GFRA2: variants seen among roughly 807,000 people sequenced by gnomAD.
The protein encoded by GFRA2 is GDNF family receptor alpha-2.
Under a neutral mutation model 48.3 loss-of-function variants are expected in GFRA2, and 17 were observed. That is an observed-to-expected ratio of 0.35 (90% CI 0.24 to 0.53). The LOEUF is 0.53. Among genes scored for constraint, GFRA2 ranks in the 20% least tolerant of loss-of-function variants. GFRA2 has a pLI of 0.93. For missense variants in GFRA2, 660 were observed against 637.3 expected, an observed-to-expected ratio of 1.04 and a Z score of -0.38; for synonymous variants, 305 against 257.2, an observed-to-expected ratio of 1.19 and a Z score of -1.78.
rs1159021273 is a variant in GFRA2, at chr8:21,706,036, C to T, written c.800G>A (p.Arg267Gln). ...VCRTDHLCRS[R>Q]LADFHANCRA... ...ACAATTGGCATGGAAGTCGGCCAGC[C>T]GGGACCTGGTGGTGGGTAGAAGACG... Residue 267 changes from arginine to glutamine, a missense_variant, in exon 5 of 9, where the codon CGG becomes CAG. Transcript: ENST00000524240. 5.8e-6 allele frequency: 9 copies of T among 1,563,576 alleles called. No individual in the cohort carries two copies. Among genetic ancestry groups the T allele is most frequent in the Non-Finnish European group, 7.8e-6 (9 of 1,153,004 alleles).
In GFRA2 at chr8:21,788,794, C is replaced by CTGCG. The variant is rs1807416301; in HGVS notation, c.-639_-636dup. ...ATGGAATTCCAGTGACCGTGTGTCT[C>CTGCG]TGCGTGCGTGTGTCTTTCTCTCTCC... On this transcript the variant is annotated 5_prime_UTR_variant, in exon 1 of 9. Coordinates refer to ENST00000524240, the MANE Select transcript of GFRA2 (RefSeq NM_001495.5). The CTGCG allele has an allele frequency of 1.0e-6, 1 of 985,406 alleles. No homozygotes were observed. Among genetic ancestry groups the CTGCG allele is most frequent in the Non-Finnish European group, 1.2e-6 (1 of 830,026 alleles). The allele number at this position is 985,406 out of a possible 1,614,324, so 61.0% of individuals were successfully genotyped here.
At chr8:21,695,380 T>G (rs1399192126) in intron 7 of GFRA2, among the ~76,000 whole-genome samples, 4 of 152,098 alleles carry the variant, frequency 2.6e-5, no homozygotes, top group African/African-American at 9.7e-5. Context: ...CAAAAGCAAC[T>G]GGGAAGCCCA....
Position 21,693,068 on chromosome 8 carries a change from C to T in GFRA2, c.*210G>A. The T allele has an allele frequency of 4.9e-6, 2 of 404,540 alleles. No homozygotes were observed. The highest frequency in any genetic ancestry group is 8.7e-6 in the Non-Finnish European group (2 of 228,926). 25.1% of individuals were successfully genotyped at this position (404,540 alleles called of 1,614,324 possible). On this transcript the variant is annotated 3_prime_UTR_variant, in exon 9 of 9. Coordinates refer to ENST00000524240, the MANE Select transcript of GFRA2 (RefSeq NM_001495.5). Reference sequence around the variant, plus strand: ...TTTCCCCTGCCAGGGGACCCCTGGGCCAGCTCTCAGGCTGCCTGCCTGCTT... The same window carrying T: ...TTTCCCCTGCCAGGGGACCCCTGGGTCAGCTCTCAGGCTGCCTGCCTGCTT...
chr8:21,733,253 C>T (rs540487792), intron 4 of GFRA2, among the ~76,000 whole-genome samples: 26 of 152,222 alleles, frequency 1.7e-4, no homozygotes, highest in African/African-American at 6.0e-4. Flanking sequence ...GCAGACCCAC[C>T]CTGCAGGCAC....
intron 4 of GFRA2, among the ~76,000 whole-genome samples, chr8:21,742,608 C>T (rs1355938761): frequency 6.6e-6 from 1 of 152,202 alleles, no homozygotes; most frequent in African/African-American, 2.4e-5. Context: ...ACTCAGGGAG[C>T]CAGTGTGAAC....
intron 4 of GFRA2, among the ~76,000 whole-genome samples, chr8:21,720,986 A>T (rs1009570870): frequency 1.6e-4 from 24 of 150,364 alleles, no homozygotes; most frequent in African/African-American, 5.9e-4. Flanking sequence ...GGAGGAAGAG[A>T]ATTAGTAAGA....
chr8:21,714,795 C>T (rs1414913442), intron 4 of GFRA2, among the ~76,000 whole-genome samples: 2 of 152,126 alleles, frequency 1.3e-5, no homozygotes, highest in Non-Finnish European at 2.9e-5. Context: ...AGGCCAGGTA[C>T]GGTGGCTGAC....
At chr8:21,747,436 A>G (rs949917150) in intron 4 of GFRA2, among the ~76,000 whole-genome samples, 3 of 152,104 alleles carry the variant, frequency 2.0e-5, no homozygotes, top group East Asian at 1.9e-4. Context: ...AATCGCCTCA[A>G]TCGGTTTGTG....
At chr8:21,728,903 CTA>C (rs1361973851) in intron 4 of GFRA2, among the ~76,000 whole-genome samples, 1 of 152,222 alleles carries the variant, frequency 6.6e-6, no homozygotes, top group Non-Finnish European at 1.5e-5. Flanking sequence ...CACCTTAGTA[CTA>C]CTGGATGGAG....
chr8:21,704,515 G>A (rs910641908), intron 6 of GFRA2, among the ~76,000 whole-genome samples: 1 of 152,186 alleles, frequency 6.6e-6, no homozygotes, highest in African/African-American at 2.4e-5. Flanking sequence ...TCTTCAGGTG[G>A]GCATGGATGG....
chr8:21,721,731 C>G (rs1311110142), intron 4 of GFRA2, among the ~76,000 whole-genome samples: 1 of 152,208 alleles, frequency 6.6e-6, no homozygotes, highest in Non-Finnish European at 1.5e-5. Flanking sequence ...GCTTTCAGCA[C>G]AGGACGCAAA....
intron 1 of GFRA2, 48 bp downstream of exon 1, chr8:21,788,072 C>A: frequency 1.9e-6 from 2 of 1,032,114 alleles, no homozygotes; most frequent in Non-Finnish European, 2.9e-6. Flanking sequence ...CCCCCCGCCT[C>A]CCCGGCTTCT....
At chr8:21,696,260 G>C (rs1025472016) in intron 7 of GFRA2, among the ~76,000 whole-genome samples, 2 of 150,982 alleles carry the variant, frequency 1.3e-5, no homozygotes, top group South Asian at 4.2e-4. Flanking sequence ...AGCCCATGGG[G>C]AATCACAGAG....
chr8:21,701,932 G>T (rs1256662382), intron 7 of GFRA2, among the ~76,000 whole-genome samples: 1 of 152,134 alleles, frequency 6.6e-6, no homozygotes, highest in Non-Finnish European at 1.5e-5. Context: ...GGGAGTCCTG[G>T]GAAGGTTGCC....
chr8:21,798,109 C>G (rs1807710709), intron 2 of GFRA2, among the ~76,000 whole-genome samples: 1 of 152,192 alleles, frequency 6.6e-6, no homozygotes, highest in Admixed American at 6.5e-5. Context: ...TCTGCACTCC[C>G]CCAAGCAATG....
intron 2 of GFRA2, 51 bp from the exon 3 acceptor site, chr8:21,775,106 G>C (rs1258202383): frequency 1.1e-6 from 1 of 915,998 alleles, no homozygotes; most frequent in Non-Finnish European, 1.8e-6. Context: ...CCAGAGCGCT[G>C]CCGGCACTTA....
chr8:21,809,868 T>C (rs114243287), intron 1 of GFRA2, among the ~76,000 whole-genome samples: 1,685 of 151,990 alleles, frequency 0.011, 30 homozygotes, highest in African/African-American at 0.039. Context: ...GGAAGGGAAA[T>C]AGGGGAACAG....
chr8:21,761,114 C>A (rs1563253309), intron 3 of GFRA2, among the ~76,000 whole-genome samples: 2 of 152,158 alleles, frequency 1.3e-5, no homozygotes, highest in African/African-American at 4.8e-5. Context: ...CCACAACCAT[C>A]ACCTCCACAC....
chr8:21,797,052 G>A (rs1807689633), intron 2 of GFRA2, among the ~76,000 whole-genome samples: 1 of 152,216 alleles, frequency 6.6e-6, no homozygotes, highest in South Asian at 2.1e-4. Context: ...GGAAGCTGCT[G>A]ATCTAGGACT....
Sources: allele counts gnomAD v4.1 joint callset (sites outside exome capture counted in the v4.1 genomes callset), GRCh38; gene constraint gnomAD v4.1.1; transcripts MANE v1.5; gene names NCBI Gene and HGNC (gene_info 2026-07-23, HGNC 2026-07-21).